Variants in PAQR3 observed in about 807,000 individuals in gnomAD.
The protein encoded by PAQR3 is progestin and adipoQ receptor family member 3, also known as Raf kinase trapping to Golgi.
In PAQR3, 39 loss-of-function variants were observed where a neutral mutation model predicts 41.7. That is an observed-to-expected ratio of 0.93 (90% CI 0.72 to 1.22). PAQR3 has a LOEUF of 1.22. Among genes scored for constraint, PAQR3 ranks in the 50% most tolerant of loss-of-function variants. The probability of loss-of-function intolerance (pLI) is 0.00; values close to 1 mark genes in which losing one functional copy is unlikely to be tolerated. For synonymous variants in PAQR3, 140 were observed against 140.6 expected (o/e 1.00, Z 0.03); for missense variants, 366 against 385.6 (o/e 0.95, Z 0.42).
Position 78,918,755 on chromosome 4 carries a change from A to AT in PAQR3, c.*1783dup. 1.0e-6 allele frequency: 1 copy of AT among 982,184 alleles called. No individual in the cohort carries two copies. Among genetic ancestry groups the AT allele is most frequent in the South Asian group, 4.7e-5 (1 of 21,214 alleles). The allele number at this position is 982,184 out of a possible 1,614,324, so 60.8% of individuals were successfully genotyped here. A position where few individuals can be genotyped will look rare whatever the true frequency, so the allele number is the denominator to read the frequency against. On this transcript the variant is annotated 3_prime_UTR_variant, in exon 6 of 6. Coordinates refer to ENST00000512733, the MANE Select transcript of PAQR3 (RefSeq NM_001040202.2). ...AAATGGCTCCACACCTAAAATAATG[A>AT]TTTTCCCCTCATTTTTAACTTAAGT...
At chr4:78,932,313 A>T (rs1736988040) in intron 2 of PAQR3, among the ~76,000 whole-genome samples, 1 of 152,152 alleles carries the variant, frequency 6.6e-6, no homozygotes, top group Non-Finnish European at 1.5e-5. Context: ...AAGTTTGGTT[A>T]TTTGTTTTCT....
intron 2 of PAQR3, chr4:78,933,312 A>G (rs1469921002): frequency 4.4e-6 from 2 of 455,398 alleles, no homozygotes; most frequent in African/African-American, 4.0e-5. Flanking sequence ...TTGTATTCTA[A>G]CATTCTTCTC....
Position 78,920,513 on chromosome 4 carries a change from G to T in PAQR3, c.*26C>A, listed in dbSNP as rs1408987792. On this transcript the variant is annotated 3_prime_UTR_variant, in exon 6 of 6. Coordinates refer to ENST00000512733, the MANE Select transcript of PAQR3 (RefSeq NM_001040202.2). ...CCCCATTATATATTGCTTAACAACT[G>T]AATTCACCAGGTGGCCATACCTAAT... is the stretch of plus-strand genomic sequence containing the variant. 6 of 1,599,568 alleles carry T rather than the reference G, an allele frequency of 3.8e-6. No individual in the cohort carries two copies. Among genetic ancestry groups the T allele is most frequent in the Non-Finnish European group, 5.1e-6 (6 of 1,173,096 alleles).
chr4:78,910,809 T>C, downstream of PAQR3: 1 of 1,613,818 alleles, frequency 6.2e-7, no homozygotes, highest in South Asian at 1.1e-5. Flanking sequence ...CTAAGAGCAG[T>C]GAAGAGGAAG....
downstream of PAQR3, among the ~76,000 whole-genome samples, chr4:78,909,055 CTTTTTTTT>C (rs1053664659): frequency 5.3e-5 from 5 of 94,412 alleles, no homozygotes; most frequent in South Asian, 3.9e-4. Context: ...TTCCCTTAGT[CTTTTTTTT>C]TTTTTTTTTT....
chr4:78,902,215 T>G (rs1734045078), intron 11 of PAQR3, among the ~76,000 whole-genome samples: 1 of 152,164 alleles, frequency 6.6e-6, no homozygotes, highest in Admixed American at 6.6e-5. Context: ...CTTACATAGT[T>G]TATAAGTAGG....
chr4:78,894,054 G>C (rs1733576589), intron 11 of PAQR3, among the ~76,000 whole-genome samples: 1 of 152,142 alleles, frequency 6.6e-6, no homozygotes, highest in Admixed American at 6.5e-5. Context: ...TTCAAGAGTG[G>C]GTTTCAAATA....
chr4:78,938,401 A>G (rs1737655902), intron 1 of PAQR3, among the ~76,000 whole-genome samples: 1 of 152,178 alleles, frequency 6.6e-6, no homozygotes, highest in South Asian at 2.1e-4. Flanking sequence ...GTGGTGCTCT[A>G]GTGGAGACTG....
rs1470083599 is a variant in PAQR3, at chr4:78,912,941, T to TA, written c.*7597dup. ...CCCCAAACTTTTATTGTGATGGCCCTAATAAAGCAGATTATTGGAAAAATT... is the reference window on the plus strand; with the variant it reads ...CCCCAAACTTTTATTGTGATGGCCCTAAATAAAGCAGATTATTGGAAAAATT... On this transcript the variant is annotated 3_prime_UTR_variant, in exon 6 of 6. Coordinates refer to ENST00000512733, the MANE Select transcript of PAQR3 (RefSeq NM_001040202.2). 6.6e-6 allele frequency: 1 copy of TA among 152,154 alleles called. No individual in the cohort carries two copies. The allele number at this position is 152,154 out of a possible 1,614,324, so 9.4% of individuals were successfully genotyped here. A position where few individuals can be genotyped will look rare whatever the true frequency, so the allele number is the denominator to read the frequency against.
chr4:78,925,226 G>A (rs1210162711), intron 4 of PAQR3, among the ~76,000 whole-genome samples: 1 of 151,970 alleles, frequency 6.6e-6, no homozygotes, highest in Non-Finnish European at 1.5e-5. Flanking sequence ...CTGACTTAAT[G>A]GGTCTTATTC....
rs1477848915 is a variant in PAQR3 at position 78,913,675 on chromosome 4, A to G, written c.*6864T>C. ...TGGGATAAGCTATTTGCCTATTTTC[A>G]CAGTTCTGAACTTGGAAAGAAGCAA... On this transcript the variant is annotated 3_prime_UTR_variant, in exon 6 of 6. Transcript: ENST00000512733. 1 of 152,140 alleles carries G rather than the reference A, an allele frequency of 6.6e-6. No individual in the cohort carries two copies. The highest frequency in any genetic ancestry group is 1.5e-5 in the Non-Finnish European group (1 of 67,978). 9.4% of individuals were successfully genotyped at this position (152,140 alleles called of 1,614,324 possible).
intron 2 of PAQR3, among the ~76,000 whole-genome samples, chr4:78,934,673 A>C (rs953320011): frequency 6.6e-6 from 1 of 152,238 alleles, no homozygotes; most frequent in African/African-American, 2.4e-5. Flanking sequence ...TTAACATTAA[A>C]GCAACAGAGT....
In PAQR3 at chr4:78,915,624, G is replaced by A. The variant is rs371156683; in HGVS notation, c.*4915C>T. 8.6e-5 allele frequency: 13 copies of A among 151,914 alleles called. No individual in the cohort carries two copies. The East Asian group carries it at 2.5e-3, about 29-fold the overall frequency. 9.4% of individuals were successfully genotyped at this position (151,914 alleles called of 1,614,324 possible). A position where few individuals can be genotyped will look rare whatever the true frequency, so the allele number is the denominator to read the frequency against. On this transcript the variant is annotated 3_prime_UTR_variant, in exon 6 of 6. Coordinates refer to ENST00000512733, the MANE Select transcript of PAQR3 (RefSeq NM_001040202.2). Reference sequence around the variant, plus strand: ...TACTCAGTGGTGTTTTATATATTAAGATAAAAATATGTACACACATGCATG... The same window carrying A: ...TACTCAGTGGTGTTTTATATATTAAAATAAAAATATGTACACACATGCATG...
chr4:78,921,776 A>G (rs1735684130), intron 5 of PAQR3: 1 of 984,638 alleles, frequency 1.0e-6, no homozygotes, highest in Non-Finnish European at 1.2e-6. Context: ...TGCCAGAGAT[A>G]GTTTCTAAGG....
downstream of PAQR3, among the ~76,000 whole-genome samples, chr4:78,907,671 C>A (rs1169883122): frequency 6.6e-6 from 1 of 152,152 alleles, no homozygotes; most frequent in Admixed American, 6.6e-5. Context: ...CTCATTAGCA[C>A]CTTTAATGAG....
chr4:78,919,280 C>G lies in PAQR3; in HGVS notation c.*1259G>C. The stretch of plus-strand genomic sequence containing the variant: ...CAGCTCATGTCAACTCATGAAGAAA[C>G]TTGGGTAATATTTTATACTCCAATA... On this transcript the variant is annotated 3_prime_UTR_variant, in exon 6 of 6. Transcript: ENST00000512733. 5 of 984,500 alleles carry G rather than the reference C, an allele frequency of 5.1e-6. No individual in the cohort carries two copies. The highest frequency in any genetic ancestry group is 1.7e-5 in the African/African-American group (1 of 57,276). The allele number at this position is 984,500 out of a possible 1,614,324, so 61.0% of individuals were successfully genotyped here. A position where few individuals can be genotyped will look rare whatever the true frequency, so the allele number is the denominator to read the frequency against.
chr4:78,907,640 A>G (rs1043794822), downstream of PAQR3, among the ~76,000 whole-genome samples: 1 of 152,216 alleles, frequency 6.6e-6, no homozygotes, highest in Non-Finnish European at 1.5e-5. Flanking sequence ...GGTTCATAAA[A>G]TTAGATTCTT....
At chr4:78,909,588 G>C (rs1324517192), downstream of PAQR3, among the ~76,000 whole-genome samples, 1 of 152,028 alleles carries the variant, frequency 6.6e-6, no homozygotes, top group East Asian at 1.9e-4. Flanking sequence ...CCTTAAATAT[G>C]TCTTTATATA....
At chr4:78,893,298 T>A (rs1417091617) in intron 11 of PAQR3, among the ~76,000 whole-genome samples, 1 of 152,212 alleles carries the variant, frequency 6.6e-6, no homozygotes, top group East Asian at 1.9e-4. Flanking sequence ...ATTTTTAGGT[T>A]CTATTTCTAG....
Sources: gnomAD v4.1 joint callset for allele counts (sites outside exome capture counted in the v4.1 genomes callset) on GRCh38, gnomAD v4.1.1 for gene constraint, MANE v1.5 for transcripts, NCBI Gene and HGNC (gene_info 2026-07-23, HGNC 2026-07-21) for gene names.